XPO5: variants seen among roughly 807,000 people sequenced by gnomAD.
XPO5 encodes exportin 5, also known as exportin-5.
Under a neutral mutation model 160.6 loss-of-function variants are expected in XPO5, and 46 were observed. The ratio of observed to expected loss-of-function variants is 0.29; its 90% CI spans 0.23 to 0.37. The LOEUF (loss-of-function observed/expected upper bound fraction) is 0.37, where lower values mean the gene tolerates loss of function less well. Ranked by LOEUF, XPO5 falls within the 10% of genes least tolerant of loss-of-function variation. The probability of loss-of-function intolerance (pLI) is 1.00; values close to 1 mark genes in which losing one functional copy is unlikely to be tolerated. For synonymous variants in XPO5, 537 were observed against 519.3 expected (o/e 1.03, Z -0.46); for missense variants, 1,090 against 1,463.9 (o/e 0.74, Z 4.17).
chr6:43,531,251 C>G (rs1174285297), intron 22 of XPO5, among the ~76,000 whole-genome samples: 3 of 151,864 alleles, frequency 2.0e-5, no homozygotes, highest in African/African-American at 7.3e-5. Flanking sequence ...GAAACACAGA[C>G]AAGTTGGGCA....
chr6:43,551,422 A>G lies in XPO5; in HGVS notation c.1604T>C (p.Leu535Ser), dbSNP rs762075661. 5.6e-6 allele frequency: 9 copies of G among 1,613,984 alleles called. No individual in the cohort carries two copies. In the South Asian group the frequency reaches 9.9e-5, roughly 18 times the overall value. The change falls in exon 15 of 32, where the codon TTG becomes TCG. Residue 535 changes from leucine (L) to serine (S), a missense_variant. This residue lies in a region of XPO5 where 810 missense variants were observed against 1,139.0 expected (regional missense o/e 0.71). Coordinates refer to ENST00000265351, the MANE Select transcript of XPO5 (RefSeq NM_020750.3). ...EIPVNDGIEL[L>S]QMVLNFDTKD... Reference sequence around the variant, plus strand: ...GGTATCAAAGTTCAGAACCATCTGCAATAGCTCTATTCCATCATTAACAGG... The same window carrying G: ...GGTATCAAAGTTCAGAACCATCTGCGATAGCTCTATTCCATCATTAACAGG...
chr6:43,525,964 CAG>C (rs1374174257), intron 27 of XPO5, 43 bp from the exon 28 acceptor site: 1 of 1,605,900 alleles, frequency 6.2e-7, no homozygotes, highest in Non-Finnish European at 8.5e-7. Context: ...CCTTTCAGAA[CAG>C]AGAAGAATAT....
At chr6:43,534,564 T>C (rs1561868102) in intron 20 of XPO5, among the ~76,000 whole-genome samples, 1 of 152,224 alleles carries the variant, frequency 6.6e-6, no homozygotes, top group South Asian at 2.1e-4. Context: ...GAACTTGATA[T>C]ACCCGCTGTC....
chr6:43,555,073 C>G (rs908470821), intron 13 of XPO5: 1 of 151,914 alleles, frequency 6.6e-6, no homozygotes, highest in Non-Finnish European at 1.5e-5. Flanking sequence ...TCCCAAGTAG[C>G]TGGGATCACA....
intron 5 of XPO5, among the ~76,000 whole-genome samples, 180 bp downstream of exon 5, chr6:43,570,311 CAAAAAAAAAAA>C (rs70990200): frequency 2.6e-5 from 2 of 77,194 alleles, no homozygotes; most frequent in Non-Finnish European, 5.1e-5. Flanking sequence ...GCCTCCGTCT[CAAAAAAAAAAA>C]AAAAAAAAAA....
intron 22 of XPO5, 48 bp from the exon 23 acceptor site, chr6:43,530,872 G>A: frequency 1.3e-6 from 2 of 1,583,940 alleles, no homozygotes; most frequent in Non-Finnish European, 1.7e-6. Context: ...TCCAACATCT[G>A]TTACTGCCAG....
At chr6:43,556,523 C>CA (rs539768315) in intron 12 of XPO5, among the ~76,000 whole-genome samples, 3,529 of 71,678 alleles carry the variant, frequency 0.049, 49 homozygotes, top group Middle Eastern at 0.069. Context: ...GACCATGTCT[C>CA]AAAAAAAAAA....
chr6:43,527,528 C>A, intron 26 of XPO5, 106 bp downstream of exon 26: 1 of 1,171,204 alleles, frequency 8.5e-7, no homozygotes, highest in Admixed American at 2.0e-5. Flanking sequence ...ATGCCCGCCG[C>A]AAACATGAAT....
chr6:43,565,595 A>G (rs1762657506), intron 8 of XPO5, 65 bp downstream of exon 8: 1 of 1,402,590 alleles, frequency 7.1e-7, no homozygotes. Flanking sequence ...ACTTCAGATA[A>G]ATCCAAATAA....
chr6:43,561,035 G>C (rs779573987), intron 9 of XPO5, 28 bp from the exon 10 acceptor site: 10 of 1,563,538 alleles, frequency 6.4e-6, no homozygotes, highest in Non-Finnish European at 8.8e-6. Context: ...TATATTAACG[G>C]TGTTGATCGA....
chr6:43,534,475 C>T (rs534885041), intron 20 of XPO5, among the ~76,000 whole-genome samples: 6 of 152,292 alleles, frequency 3.9e-5, no homozygotes, highest in South Asian at 2.1e-4. Flanking sequence ...TAGAGGAACA[C>T]AATTCCCAAC....
intron 13 of XPO5, 35 bp downstream of exon 13, chr6:43,555,801 C>T: frequency 6.2e-7 from 1 of 1,612,826 alleles, no homozygotes; most frequent in Non-Finnish European, 8.5e-7. Flanking sequence ...ACTGTCCTAA[C>T]ATTTCACTAA....
chr6:43,555,965 CTGCCAAGAGAAAA>C lies in XPO5; in HGVS notation c.1313-14_1313-2del, dbSNP rs1432454695. 1.2e-6 allele frequency: 2 copies of C among 1,613,048 alleles called. No homozygotes were observed. The highest frequency in any genetic ancestry group is 1.7e-6 in the Non-Finnish European group (2 of 1,179,580). ...ACCTCTCCTTGTTGTGCTCGGGAGG[CTGCCAAGAGAAAA>C]TGCCAAGGGAAGGACAGGAATCAAT... On this transcript the variant is annotated splice_acceptor_variant and splice_polypyrimidine_tract_variant and intron_variant, in intron 12 of 31. Transcript: ENST00000265351. LOFTEE classifies it high-confidence loss of function.
At chr6:43,551,234 AAAAT>A (rs1302718252) in intron 15 of XPO5, 60 bp downstream of exon 15, 11 of 1,461,116 alleles carry the variant, frequency 7.5e-6, no homozygotes, top group African/African-American at 7.2e-5. Context: ...CCAAAAAAAT[AAAAT>A]AAATAAAAAT....
At chr6:43,575,277 T>C (rs1049227081) in intron 1 of XPO5, among the ~76,000 whole-genome samples, 4 of 152,066 alleles carry the variant, frequency 2.6e-5, no homozygotes, top group African/African-American at 9.7e-5. Context: ...TTAAAGCATA[T>C]AAGCATAAGG....
chr6:43,529,909 CAAA>C (rs1191727799), intron 23 of XPO5, among the ~76,000 whole-genome samples: 19 of 97,536 alleles, frequency 1.9e-4, no homozygotes, highest in Non-Finnish European at 3.7e-4. Context: ...GACCCTGTCT[CAAA>C]AAAAAAAAAA....
intron 14 of XPO5, among the ~76,000 whole-genome samples, chr6:43,552,693 A>G (rs775307978): frequency 2.6e-5 from 4 of 152,116 alleles, no homozygotes; most frequent in Non-Finnish European, 5.9e-5. Flanking sequence ...TTATTGGATT[A>G]TATCTTTTGT....
intron 20 of XPO5, among the ~76,000 whole-genome samples, chr6:43,536,806 G>A (rs1018543670): frequency 7.5e-6 from 1 of 134,072 alleles, no homozygotes; most frequent in African/African-American, 2.9e-5. Context: ...TTTACTTTTT[G>A]GGTTTTAAAA....
At chr6:43,575,200 G>A (rs1763237664) in intron 1 of XPO5, among the ~76,000 whole-genome samples, 2 of 152,194 alleles carry the variant, frequency 1.3e-5, no homozygotes, top group Admixed American at 6.5e-5. Flanking sequence ...TCAAAAACAT[G>A]GGAGAAGTAG....
Sources: gnomAD v4.1 joint callset for allele counts (sites outside exome capture counted in the v4.1 genomes callset) on GRCh38, gnomAD v4.1.1 for gene constraint, gnomAD v4.1.1 regional missense constraint, MANE v1.5 for transcripts, NCBI Gene and HGNC (gene_info 2026-07-23, HGNC 2026-07-21) for gene names.